The following NLGN4X variants were observed in gnomAD, a reference collection of about 807,000 sequenced individuals.
The protein encoded by NLGN4X is neuroligin 4 X-linked.
Under a neutral mutation model 40.3 loss-of-function variants are expected in NLGN4X, and 3 were observed. The ratio of observed to expected loss-of-function variants is 0.07; its 90% confidence interval spans 0.03 to 0.19. NLGN4X has a LOEUF of 0.19. Ranked by LOEUF, NLGN4X falls within the 10% of genes least tolerant of loss-of-function variation. The probability of loss-of-function intolerance (pLI) is 1.00; values close to 1 mark genes in which losing one functional copy is unlikely to be tolerated. For missense variants in NLGN4X, 382 were observed against 708.3 expected (o/e 0.54, Z 5.23); for synonymous variants, 270 against 306.8 (o/e 0.88, Z 1.25).
intron 1 of NLGN4X, among the ~76,000 whole-genome samples, chrX:6,228,097 AT>A (rs1395317539): frequency 9.2e-6 from 1 of 108,381 alleles, no homozygotes; most frequent in African/African-American, 3.4e-5. Flanking sequence ...ATACATATAT[AT>A]TTTTTTCCTC....
chrX:5,913,011 G>C (rs1319724783), intron 3 of NLGN4X, among the ~76,000 whole-genome samples: 4 of 69,672 alleles, frequency 5.7e-5, no homozygotes, highest in African/African-American at 1.7e-4. Context: ...AGGTAGGAGG[G>C]AGGGAGGGAA....
At chrX:6,204,221 G>A (rs1263980379) in intron 1 of NLGN4X, among the ~76,000 whole-genome samples, 1 of 112,348 alleles carries the variant, frequency 8.9e-6, no homozygotes, top group Non-Finnish European at 1.9e-5. Context: ...CCAGACCTTC[G>A]TTTGAGAAGC....
intron 2 of NLGN4X, among the ~76,000 whole-genome samples, chrX:6,113,241 C>T (rs1191560424): frequency 9.0e-6 from 1 of 111,121 alleles, no homozygotes; most frequent in African/African-American, 3.3e-5. Flanking sequence ...CACATATTGG[C>T]TCATTAATAG....
intron 2 of NLGN4X, chrX:6,032,674 G>GA (rs1480596620): frequency 8.6e-7 from 1 of 1,157,885 alleles, no homozygotes; most frequent in East Asian, 3.1e-5. Context: ...GTTGAGCTTT[G>GA]AAAAAACAAA....
At position 6,120,193 on chromosome X, in the gene NLGN4X, G is replaced by A. The variant is rs750989756; in HGVS notation, c.472+30802C>T. 3.6e-5 allele frequency among the ~76,000 whole-genome samples: 4 copies of A among 111,118 alleles called. No individual in the cohort carries two copies. In the East Asian group the frequency reaches 1.1e-3, roughly 32 times the overall value. ...AGCAAGCCCCTGCCGCAACACATAT[G>A]TATACAAAACAGAGGCAAGAATCAA... On this transcript the variant is annotated intron_variant, in intron 2 of 5. Transcript: ENST00000381095.
intron 2 of NLGN4X, among the ~76,000 whole-genome samples, chrX:6,133,058 C>T (rs188008857): frequency 5.4e-5 from 6 of 111,385 alleles, no homozygotes; most frequent in Non-Finnish European, 1.1e-4. Flanking sequence ...ATTATTATCG[C>T]CATAAATTAT....
intron 1 of NLGN4X, among the ~76,000 whole-genome samples, chrX:6,176,485 G>A (rs1276774713): frequency 8.9e-6 from 1 of 112,521 alleles, no homozygotes; most frequent in East Asian, 2.8e-4. Flanking sequence ...TCAAATGAAA[G>A]AGGCAGGTAG....
rs777050343 is a variant in NLGN4X at position 6,169,920 on chromosome X, A to C, written c.-305-18149T>G. On this transcript the variant is annotated intron_variant, in intron 1 of 5. Transcript: ENST00000381095. Reference sequence around the variant, plus strand: ...ATATCAGATAACAAAGAAATGACTGAGTGATGAAGTTGGCTCAATCTAAAT... The same window carrying C: ...ATATCAGATAACAAAGAAATGACTGCGTGATGAAGTTGGCTCAATCTAAAT... Among the ~76,000 whole-genome samples the C allele has an allele frequency of 8.0e-5, 9 of 112,130 alleles. No individual in the cohort carries two copies. The South Asian group carries it at 3.0e-3, about 37-fold the overall frequency.
chrX:5,981,017 A>G (rs942305620), intron 3 of NLGN4X, among the ~76,000 whole-genome samples: 1 of 111,510 alleles, frequency 9.0e-6, no homozygotes, highest in Non-Finnish European at 1.9e-5. Context: ...ACAATATTGT[A>G]TCTTCTCAGG....
At chrX:5,965,874 G>C (rs1247673098) in intron 3 of NLGN4X, among the ~76,000 whole-genome samples, 1 of 111,909 alleles carries the variant, frequency 8.9e-6, no homozygotes, top group Non-Finnish European at 1.9e-5. Context: ...TGAATGAGAG[G>C]AAAGTTTCTT....
intron 1 of NLGN4X, among the ~76,000 whole-genome samples, chrX:6,182,075 G>A (rs1450583359): frequency 1.8e-5 from 2 of 111,590 alleles, no homozygotes; most frequent in African/African-American, 6.5e-5. Context: ...ACAGTGACAC[G>A]GAGGTCTGTG....
At chrX:5,923,999 T>C (rs189813698) in intron 3 of NLGN4X, among the ~76,000 whole-genome samples, 91 of 111,854 alleles carry the variant, frequency 8.1e-4, no homozygotes, top group African/African-American at 2.9e-3. Context: ...TAAAATCATG[T>C]TGTTGGTTTG....
intron 1 of NLGN4X, among the ~76,000 whole-genome samples, chrX:6,201,500 A>G (rs1923612173): frequency 8.9e-6 from 1 of 112,281 alleles, no homozygotes; most frequent in African/African-American, 3.2e-5. Context: ...TGAAGAAAGA[A>G]TAGCTTTAAA....
intron 3 of NLGN4X, among the ~76,000 whole-genome samples, chrX:5,962,821 T>A (rs1275741887): frequency 8.9e-6 from 1 of 112,141 alleles, no homozygotes; most frequent in African/African-American, 3.2e-5. Flanking sequence ...GAAGTCACTG[T>A]CTGTGGACCA....
intron 2 of NLGN4X, among the ~76,000 whole-genome samples, chrX:6,061,267 T>C (rs1183596782): frequency 9.0e-6 from 1 of 111,416 alleles, no homozygotes; most frequent in Non-Finnish European, 1.9e-5. Context: ...AAATCAACTT[T>C]AGTGGCTGTG....
chrX:6,064,441 G>A (rs34678738), intron 2 of NLGN4X, among the ~76,000 whole-genome samples: 22,730 of 110,899 alleles, frequency 0.2, 1,774 homozygotes, highest in Admixed American at 0.26. Flanking sequence ...CTCCCCGCCC[G>A]CTGGGAGAAT....
chrX:5,907,901 CAAAG>C (rs1267140481), intron 4 of NLGN4X, among the ~76,000 whole-genome samples: 1 of 97,052 alleles, frequency 1.0e-5, no homozygotes, highest in Non-Finnish European at 2.1e-5. Flanking sequence ...GAGAAAGAAA[CAAAG>C]AGAGAGAGGG....
intron 3 of NLGN4X, among the ~76,000 whole-genome samples, chrX:5,962,665 C>G (rs1012684659): frequency 3.6e-5 from 4 of 111,965 alleles, no homozygotes; most frequent in Admixed American, 1.9e-4. Context: ...CCTAAACTCC[C>G]TTCCCCCAGG....
chrX:6,213,104 C>G (rs1438729782), intron 1 of NLGN4X, among the ~76,000 whole-genome samples: 2 of 106,410 alleles, frequency 1.9e-5, no homozygotes. Flanking sequence ...TACAACTTTA[C>G]AGCAGAGAAA....
Sources: gnomAD v4.1 joint callset for allele counts (sites outside exome capture counted in the v4.1 genomes callset) on GRCh38, gnomAD v4.1.1 for gene constraint, MANE v1.5 for transcripts, NCBI Gene and HGNC (gene_info 2026-07-23, HGNC 2026-07-21) for gene names.